Variants in APOBEC1 observed in about 807,000 individuals in gnomAD.
The protein encoded by APOBEC1 is apolipoprotein B mRNA editing enzyme catalytic subunit 1, also known as C->U-editing enzyme APOBEC-1.
Under a neutral mutation model 26.3 loss-of-function variants are expected in APOBEC1, and 22 were observed. The observed-to-expected ratio is 0.84, with a 90% CI of 0.60 to 1.19. APOBEC1 has a LOEUF of 1.19. Ranked by LOEUF, APOBEC1 falls within the 50% of genes most tolerant of loss-of-function variation. The probability of loss-of-function intolerance (pLI) is 0.00; values close to 1 mark genes in which losing one functional copy is unlikely to be tolerated. For missense variants in APOBEC1, 253 were observed against 289.0 expected (o/e 0.88, Z 0.90); for synonymous variants, 77 against 95.3 (o/e 0.81, Z 1.12).
upstream of APOBEC1, among the ~76,000 whole-genome samples, chr12:7,667,617 G>A (rs940262212): frequency 6.6e-6 from 1 of 152,020 alleles, no homozygotes; most frequent in Non-Finnish European, 1.5e-5. Context: ...AATCATTGTA[G>A]AATAAAAGTA....
At chr12:7,667,641 G>A (rs777730975), upstream of APOBEC1, among the ~76,000 whole-genome samples, 21 of 152,126 alleles carry the variant, frequency 1.4e-4, no homozygotes, top group Non-Finnish European at 2.4e-4. Flanking sequence ...TAGGCCAGGC[G>A]CAGTGGCTCG....
chr12:7,656,481 T>G (rs1863717030), intron 1 of APOBEC1, among the ~76,000 whole-genome samples: 1 of 152,104 alleles, frequency 6.6e-6, no homozygotes, highest in South Asian at 2.1e-4. Context: ...CAAAACCACG[T>G]CCTCCATTCA....
At chr12:7,669,422 A>G (rs1161581806), upstream of APOBEC1, among the ~76,000 whole-genome samples, 5 of 152,070 alleles carry the variant, frequency 3.3e-5, no homozygotes, top group African/African-American at 1.2e-4. Flanking sequence ...GTTATTTCCA[A>G]TTTTAGGCTT....
chr12:7,667,821 G>A (rs1485705576), upstream of APOBEC1, among the ~76,000 whole-genome samples: 1 of 150,924 alleles, frequency 6.6e-6, no homozygotes, highest in Non-Finnish European at 1.5e-5. Flanking sequence ...GCTGAGGCAT[G>A]AGAATTGCTC....
rs142142133 is a variant in APOBEC1 at position 7,658,836 on chromosome 12, C to A, written c.17-4204G>T. Among the ~76,000 whole-genome samples, 1,232 of 150,948 alleles carry A rather than the reference C, an allele frequency of 8.2e-3. 20 individuals carry two copies. The highest frequency in any genetic ancestry group is 0.029 in the African/African-American group (1,183 of 41,062). ...GGTGTGGTGGCACATGCCTGTAATCCCAGCTACTTGGGAGGCCGAGGCACA... is the reference window on the plus strand; with the variant it reads ...GGTGTGGTGGCACATGCCTGTAATCACAGCTACTTGGGAGGCCGAGGCACA... On this transcript the variant is annotated intron_variant, in intron 1 of 4. Transcript: ENST00000229304.
At chr12:7,667,718 C>T (rs776982667), upstream of APOBEC1, among the ~76,000 whole-genome samples, 5 of 152,074 alleles carry the variant, frequency 3.3e-5, no homozygotes, top group South Asian at 1.0e-3. Context: ...AGTTCAAGAC[C>T]ACCCTGGCCA....
chr12:7,665,752 G>GACACACAC (rs60124402), intron 1 of APOBEC1, 105 bp downstream of exon 1: 10,651 of 773,690 alleles, frequency 0.014, 234 homozygotes, highest in Admixed American at 0.037. Flanking sequence ...GAATCAGCAG[G>GACACACAC]ACACACACAC....
upstream of APOBEC1, among the ~76,000 whole-genome samples, chr12:7,666,639 G>C (rs1289994287): frequency 3.9e-5 from 6 of 152,126 alleles, no homozygotes; most frequent in Non-Finnish European, 8.8e-5. Flanking sequence ...GAAAAATAAA[G>C]TTAAGAGAGA....
rs12820011 is a variant in APOBEC1 at position 7,649,551 on chromosome 12, C to T, written c.707G>A (p.Arg236Lys). Residue 236 changes from arginine to lysine, a missense_variant, in exon 5 of 5, where the codon AGA becomes AAA. By Grantham distance (26) the Arg-to-Lys change is conservative. Coordinates refer to ENST00000229304, the MANE Select transcript of APOBEC1 (RefSeq NM_001644.5). ...ACACACACGGAATCATCCTATTCAT[C>T]TCCAAGCCACAGAAGGATGTATCAG... ...TGLIHPSVAW[R>K] 1,719 of 1,614,034 alleles carry T rather than the reference C, an allele frequency of 1.1e-3. 4 individuals are homozygous for T. The highest frequency in any genetic ancestry group is 1.4e-3 in the Non-Finnish European group (1,608 of 1,179,960).
chr12:7,657,043 CGTGTGTGTGTGTGTGTGTGTGT>C (rs6144603), intron 1 of APOBEC1, among the ~76,000 whole-genome samples: 6 of 148,762 alleles, frequency 4.0e-5, no homozygotes, highest in East Asian at 2.0e-4. Context: ...GTTGTATATA[CGTGTGTGTGTGTGTGTGTGTGT>C]GTGTGTGTGT....
chr12:7,669,303 G>A (rs1024362312), upstream of APOBEC1, among the ~76,000 whole-genome samples: 5 of 151,498 alleles, frequency 3.3e-5, no homozygotes, highest in African/African-American at 7.3e-5. Flanking sequence ...CTGTAAAATC[G>A]GTCTACATGA....
intron 4 of APOBEC1, 85 bp from the exon 5 acceptor site, chr12:7,649,781 G>T: frequency 1.9e-6 from 2 of 1,070,614 alleles, no homozygotes; most frequent in Non-Finnish European, 2.7e-6. Context: ...AAAAATGTCA[G>T]TTGGAAGACG....
intron 1 of APOBEC1, among the ~76,000 whole-genome samples, chr12:7,658,609 A>G (rs1863750020): frequency 6.6e-6 from 1 of 152,202 alleles, no homozygotes; most frequent in Admixed American, 6.5e-5. Flanking sequence ...GCTCATGACA[A>G]TAAAATTGAG....
chr12:7,652,968 T>G (rs1863666789), intron 2 of APOBEC1, 133 bp from the exon 3 acceptor site: 2 of 795,936 alleles, frequency 2.5e-6, no homozygotes, highest in Admixed American at 8.5e-5. Flanking sequence ...CTCACACTGT[T>G]GCCCAGACTG....
At chr12:7,651,228 G>T (rs1863633490) in intron 3 of APOBEC1, 87 bp from the exon 4 acceptor site, 3 of 914,862 alleles carry the variant, frequency 3.3e-6, no homozygotes, top group Non-Finnish European at 5.4e-6. Context: ...CGTATAGAAA[G>T]CCTGTAGTCT....
Position 7,654,613 on chromosome 12 carries a change from G to A in APOBEC1, c.36C>T (p.Pro12=), listed in dbSNP as rs772496243. The A allele has an allele frequency of 6.2e-7, 1 of 1,613,894 alleles. No homozygotes were observed. The highest frequency in any genetic ancestry group is 8.5e-7 in the Non-Finnish European group (1 of 1,179,826). Reference sequence around the variant, plus strand: ...GATAGTGTTATTCTTACCTCAGAGTGGGGTCACCGGTTGAAGGACCTGTTG... The same window carrying A: ...GATAGTGTTATTCTTACCTCAGAGTAGGGTCACCGGTTGAAGGACCTGTTG... ...TSEKGPSTGD[P]TLRRRIEPWE... Residue 12 remains proline, a synonymous_variant, in exon 2 of 5, where the codon CCC becomes CCT. Transcript: ENST00000229304.
At chr12:7,665,799 AC>A in intron 1 of APOBEC1, 57 bp downstream of exon 1, 4 of 1,361,936 alleles carry the variant, frequency 2.9e-6, no homozygotes, top group Non-Finnish European at 4.1e-6. Flanking sequence ...ACACACACAC[AC>A]ACACACCATT....
chr12:7,652,790 T>G lies in APOBEC1; in HGVS notation c.90A>C (p.Arg30Ser). The change falls in exon 3 of 5, where the codon AGA becomes AGC. Residue 30 changes from arginine (R) to serine (S), a missense_variant. Arg to Ser is a moderately radical substitution (Grantham distance 110). Transcript: ENST00000229304. ...PWEFDVFYDP[R>S]ELRKEACLLY... The stretch of plus-strand genomic sequence containing the variant: ...GCAGACAGGCCTCTTTACGAAGTTC[T>G]CTGGGGTCATAGAAGACGTCAAACT... 4.3e-6 allele frequency: 7 copies of G among 1,611,530 alleles called. No individual in the cohort carries two copies. Among genetic ancestry groups the G allele is most frequent in the Non-Finnish European group, 5.9e-6 (7 of 1,178,812 alleles).
intron 1 of APOBEC1, among the ~76,000 whole-genome samples, chr12:7,663,333 G>T (rs1863846670): frequency 6.6e-6 from 1 of 152,160 alleles, no homozygotes; most frequent in South Asian, 2.1e-4. Context: ...TCTAGCTGGG[G>T]AGAAGAACTA....
Sources: gnomAD v4.1 joint callset for allele counts (sites outside exome capture counted in the v4.1 genomes callset) on GRCh38, gnomAD v4.1.1 for gene constraint, MANE v1.5 for transcripts, NCBI Gene and HGNC (gene_info 2026-07-23, HGNC 2026-07-21) for gene names.